GRID1: variants seen among roughly 807,000 people sequenced by gnomAD.
GRID1 encodes glutamate ionotropic receptor delta type subunit 1.
GRID1 carries 28 observed loss-of-function variants against 98.0 expected under a neutral mutation model. That is an observed-to-expected ratio of 0.29 (90% CI 0.21 to 0.39). GRID1 has a LOEUF of 0.39. Ranked by LOEUF, GRID1 falls within the 10% of genes least tolerant of loss-of-function variation. GRID1 has a pLI of 1.00. For missense variants in GRID1, 1,111 were observed against 1,340.5 expected, an observed-to-expected ratio of 0.83 and a Z score of 2.67; for synonymous variants, 553 against 538.5, an observed-to-expected ratio of 1.03 and a Z score of -0.37.
In GRID1 at chr10:85,602,476, G is replaced by A; in HGVS notation, c.2827C>T (p.Leu943Phe). Residue 943 changes from leucine to phenylalanine, a missense_variant, in exon 16 of 16, where the codon CTC becomes TTC. Physicochemically the swap from Leu to Phe is conservative, Grantham distance 22. Transcript: ENST00000327946. ...EQSSHGTSRT[L>F]SSGPSSNLPL... is the part of the protein sequence containing the mutation. Reference sequence around the variant, plus strand: ...AGGTTGCTGCTGGGCCCTGATGAGAGTGTCCGGCTGGTGCCATGGCTGCTC... The same window carrying A: ...AGGTTGCTGCTGGGCCCTGATGAGAATGTCCGGCTGGTGCCATGGCTGCTC... 1 of 1,614,208 alleles carries A rather than the reference G, an allele frequency of 6.2e-7. No individual in the cohort carries two copies. Among genetic ancestry groups the A allele is most frequent in the Non-Finnish European group, 8.5e-7 (1 of 1,180,036 alleles).
chr10:85,837,302 A>G (rs1392018644), intron 8 of GRID1, among the ~76,000 whole-genome samples: 1 of 152,168 alleles, frequency 6.6e-6, no homozygotes, highest in Non-Finnish European at 1.5e-5. Flanking sequence ...CCTCCAGCAC[A>G]ACAGTGCACA....
intron 12 of GRID1, among the ~76,000 whole-genome samples, chr10:85,710,570 T>C (rs531362041): frequency 2.0e-5 from 3 of 152,220 alleles, no homozygotes; most frequent in African/African-American, 7.2e-5. Flanking sequence ...CAATGAATAT[T>C]ATACCTAAAG....
intron 2 of GRID1, among the ~76,000 whole-genome samples, chr10:86,257,615 C>G (rs530412059): frequency 6.6e-6 from 1 of 152,168 alleles, no homozygotes; most frequent in Non-Finnish European, 1.5e-5. Flanking sequence ...GAGATCCCCT[C>G]CAAACAGTCC....
intron 2 of GRID1, among the ~76,000 whole-genome samples, chr10:86,207,581 C>CTAAT (rs201099567): frequency 0.014 from 2,159 of 150,866 alleles, 56 homozygotes; most frequent in African/African-American, 0.05. Flanking sequence ...ACATCTCTTA[C>CTAAT]TAATGGTTTA....
chr10:85,636,576 A>C (rs1449809419), intron 13 of GRID1, among the ~76,000 whole-genome samples: 2 of 152,266 alleles, frequency 1.3e-5, no homozygotes, highest in Admixed American at 6.5e-5. Flanking sequence ...TGTAGTCCCC[A>C]GAATTATAAA....
intron 8 of GRID1, among the ~76,000 whole-genome samples, chr10:85,825,960 CAAAT>C (rs1367839110): frequency 6.6e-6 from 1 of 151,854 alleles, no homozygotes; most frequent in African/African-American, 2.4e-5. Context: ...GATAAAATAA[CAAAT>C]AAAAAAGAGA....
At chr10:85,988,179 C>G (rs796775633) in intron 4 of GRID1, among the ~76,000 whole-genome samples, 2 of 152,246 alleles carry the variant, frequency 1.3e-5, no homozygotes, top group African/African-American at 4.8e-5. Flanking sequence ...GACCCCACCC[C>G]ACTCCCCACT....
rs180979863 is a variant in GRID1 at position 86,210,713 on chromosome 10, C to T, written c.236-4065G>A. On this transcript the variant is annotated intron_variant, in intron 2 of 15. Transcript: ENST00000327946. ...ATTAAGGCTGGAAGCCTCTCCCAGGCGCTAATGGAGAGGCCCGATGTGAGT... is the reference window on the plus strand; with the variant it reads ...ATTAAGGCTGGAAGCCTCTCCCAGGTGCTAATGGAGAGGCCCGATGTGAGT... Among the ~76,000 whole-genome samples the T allele has an allele frequency of 7.9e-3, 1,204 of 152,330 alleles. 8 individuals are homozygous for T. The highest frequency in any genetic ancestry group is 0.014 in the Non-Finnish European group (924 of 68,030).
At chr10:85,714,806 T>C (rs1200010833) in intron 12 of GRID1, among the ~76,000 whole-genome samples, 1 of 152,062 alleles carries the variant, frequency 6.6e-6, no homozygotes, top group Non-Finnish European at 1.5e-5. Flanking sequence ...ACTATTAATA[T>C]GTTAATACCA....
intron 8 of GRID1, among the ~76,000 whole-genome samples, chr10:85,847,746 G>A (rs1843020249): frequency 6.6e-6 from 1 of 151,648 alleles, no homozygotes; most frequent in African/African-American, 2.4e-5. Context: ...AAAAATAACT[G>A]GAAGAAAGTA....
chr10:85,769,603 A>G (rs1255181830), intron 8 of GRID1, among the ~76,000 whole-genome samples: 2 of 152,198 alleles, frequency 1.3e-5, no homozygotes, highest in Non-Finnish European at 2.9e-5. Flanking sequence ...CACCTGGGAA[A>G]TCGGGTCACA....
At chr10:85,641,061 T>G (rs1375095496) in intron 13 of GRID1, among the ~76,000 whole-genome samples, 1 of 152,238 alleles carries the variant, frequency 6.6e-6, no homozygotes, top group African/African-American at 2.4e-5. Flanking sequence ...ATTTAAACTA[T>G]TAACGCTATA....
At chr10:85,982,193 CAAAA>C (rs5786730) in intron 4 of GRID1, among the ~76,000 whole-genome samples, 1 of 129,908 alleles carries the variant, frequency 7.7e-6, no homozygotes. Context: ...GCTCTTGCCA[CAAAA>C]AAAAAAAAAA....
intron 4 of GRID1, among the ~76,000 whole-genome samples, chr10:86,071,732 T>A (rs1843807637): frequency 6.6e-6 from 1 of 152,170 alleles, no homozygotes; most frequent in South Asian, 2.1e-4. Context: ...AAGTGCAGCC[T>A]TGAAGAGCTC....
At chr10:86,096,341 GA>G (rs549340196) in intron 4 of GRID1, among the ~76,000 whole-genome samples, 1,674 of 151,856 alleles carry the variant, frequency 0.011, 39 homozygotes, top group African/African-American at 0.037. Context: ...ATAACTTATG[GA>G]AAAAAAAGAA....
At chr10:85,870,349 C>A (rs1843266051) in intron 5 of GRID1, among the ~76,000 whole-genome samples, 1 of 152,226 alleles carries the variant, frequency 6.6e-6, no homozygotes, top group East Asian at 1.9e-4. Context: ...GGCCTTCGGC[C>A]ACAGGCTGAA....
At chr10:85,837,018 G>A (rs1231274231) in intron 8 of GRID1, among the ~76,000 whole-genome samples, 1 of 152,114 alleles carries the variant, frequency 6.6e-6, no homozygotes, top group Non-Finnish European at 1.5e-5. Flanking sequence ...CACATTGTTA[G>A]CATGTGTCTG....
At chr10:85,837,387 G>A (rs1842920225) in intron 8 of GRID1, among the ~76,000 whole-genome samples, 1 of 152,144 alleles carries the variant, frequency 6.6e-6, no homozygotes, top group Non-Finnish European at 1.5e-5. Flanking sequence ...CAGTGAGGCT[G>A]GCACCCCTGC....
chr10:85,599,802 A>AAAATATATATATATATATATATAT lies in GRID1; in HGVS notation c.*2470_*2471insATATATATATATATATATATATTT. On this transcript the variant is annotated 3_prime_UTR_variant, in exon 16 of 16. Coordinates refer to ENST00000327946, the MANE Select transcript of GRID1 (RefSeq NM_017551.3). ...GTAGAAAATTCTAAAAAAAAAAAAAAATATATATATATATATATAAACATG... is the reference window on the plus strand; with the variant it reads ...GTAGAAAATTCTAAAAAAAAAAAAAAAAATATATATATATATATATATATATATATATATATATATATAAACATG... 3 of 65,000 alleles carry AAAATATATATATATATATATATAT rather than the reference A, an allele frequency of 4.6e-5. No homozygotes were observed. Among genetic ancestry groups the AAAATATATATATATATATATATAT allele is most frequent in the Non-Finnish European group, 7.7e-5 (3 of 38,794 alleles). 4.0% of individuals were successfully genotyped at this position (65,000 alleles called of 1,614,324 possible).
Sources: gnomAD v4.1 joint callset for allele counts (sites outside exome capture counted in the v4.1 genomes callset) on GRCh38, gnomAD v4.1.1 for gene constraint, MANE v1.5 for transcripts, NCBI Gene and HGNC (gene_info 2026-07-23, HGNC 2026-07-21) for gene names.